The following GRID2 variants were observed in gnomAD, a reference collection of about 807,000 sequenced individuals.
The protein encoded by GRID2 is glutamate receptor ionotropic, delta-2.
Under a neutral mutation model 114.8 loss-of-function variants are expected in GRID2, and 33 were observed. The observed-to-expected ratio is 0.29, with a 90% CI of 0.22 to 0.38. GRID2 has a LOEUF of 0.38. GRID2 is among the 10% of genes least tolerant of loss of function. GRID2 has a pLI of 1.00. For synonymous variants in GRID2, 505 were observed against 449.9 expected, an observed-to-expected ratio of 1.12 and a Z score of -1.55; for missense variants, 1,184 against 1,257.7, an observed-to-expected ratio of 0.94 and a Z score of 0.89.
chr4:92,669,386 C>T (rs556187070), intron 2 of GRID2, among the ~76,000 whole-genome samples: 13 of 151,938 alleles, frequency 8.6e-5, no homozygotes, highest in Non-Finnish European at 1.3e-4. Flanking sequence ...ATTCTGTCAG[C>T]GTGGTAGGGT....
intron 14 of GRID2, among the ~76,000 whole-genome samples, chr4:93,666,535 GT>G: frequency 6.6e-6 from 1 of 152,032 alleles, no homozygotes; most frequent in Non-Finnish European, 1.5e-5. Flanking sequence ...GTGCCTTCCT[GT>G]GGAAGCCATT....
chr4:92,477,262 C>G (rs1399664696), intron 1 of GRID2, among the ~76,000 whole-genome samples: 2 of 151,912 alleles, frequency 1.3e-5, no homozygotes, highest in African/African-American at 4.8e-5. Flanking sequence ...TTTCCATATG[C>G]AAAGATATTT....
chr4:93,045,188 A>C (rs1426976302), intron 2 of GRID2, among the ~76,000 whole-genome samples: 1 of 152,134 alleles, frequency 6.6e-6, no homozygotes, highest in Non-Finnish European at 1.5e-5. Flanking sequence ...TAGATATCTC[A>C]TAATTCAAAG....
intron 2 of GRID2, among the ~76,000 whole-genome samples, chr4:92,996,214 T>A (rs1030297929): frequency 2.6e-5 from 4 of 151,622 alleles, no homozygotes; most frequent in African/African-American, 9.7e-5. Context: ...GGCTTGAACC[T>A]GGGAAGCAGA....
rs185909214 is a variant in GRID2 at position 93,414,188 on chromosome 4, C to A, written c.1348-8583C>A. ...AGAATCCAATTATGTCTTATTAAAT[C>A]CATTTTACTGCCAAGTCACTTCTGA... On this transcript the variant is annotated intron_variant, in intron 9 of 15. Transcript: ENST00000282020. Among the ~76,000 whole-genome samples the A allele has an allele frequency of 1.1e-4, 16 of 152,272 alleles. No individual in the cohort carries two copies. In the East Asian group the frequency reaches 1.4e-3, roughly 13 times the overall value.
At chr4:92,369,716 G>A (rs1370924517) in intron 1 of GRID2, among the ~76,000 whole-genome samples, 2 of 152,290 alleles carry the variant, frequency 1.3e-5, no homozygotes, top group Admixed American at 1.3e-4. Context: ...TTGGAAAGTT[G>A]TAGATTCTTA....
chr4:93,223,466 AAT>A (rs1196211636), intron 6 of GRID2, among the ~76,000 whole-genome samples: 1 of 152,180 alleles, frequency 6.6e-6, no homozygotes, highest in African/African-American at 2.4e-5. Flanking sequence ...ATCAGACTCT[AAT>A]TATCTCAATA....
chr4:92,615,254 G>T (rs2149232953), intron 2 of GRID2, among the ~76,000 whole-genome samples: 1 of 151,586 alleles, frequency 6.6e-6, no homozygotes, highest in South Asian at 2.1e-4. Context: ...AAAACCCAAA[G>T]GATCAAGCTC....
intron 1 of GRID2, among the ~76,000 whole-genome samples, chr4:92,498,933 A>G (rs1377894922): frequency 1.1e-5 from 1 of 89,674 alleles, no homozygotes; most frequent in African/African-American, 4.2e-5. Flanking sequence ...TTAGGTAAAA[A>G]AAAAAAAAAA....
chr4:93,230,028 A>G (rs903918973), intron 7 of GRID2, among the ~76,000 whole-genome samples: 1 of 152,124 alleles, frequency 6.6e-6, no homozygotes, highest in Non-Finnish European at 1.5e-5. Flanking sequence ...CTTTCCATCT[A>G]TAACATGGCA....
chr4:92,569,417 G>A (rs898192088), intron 1 of GRID2, among the ~76,000 whole-genome samples: 1 of 152,028 alleles, frequency 6.6e-6, no homozygotes, highest in African/African-American at 2.4e-5. Context: ...ATTGTGAATA[G>A]TGCTGTAATA....
At chr4:93,236,684 C>A (rs1746837992) in intron 7 of GRID2, among the ~76,000 whole-genome samples, 1 of 151,996 alleles carries the variant, frequency 6.6e-6, no homozygotes, top group African/African-American at 2.4e-5. Context: ...GCCCTATACA[C>A]ACACCAGTGA....
At chr4:93,282,993 A>G (rs1752802694) in intron 8 of GRID2, among the ~76,000 whole-genome samples, 1 of 152,044 alleles carries the variant, frequency 6.6e-6, no homozygotes, top group African/African-American at 2.4e-5. Context: ...CAAGCCATTC[A>G]GGAAGGATCT....
At chr4:92,952,160 T>A (rs2149135915) in intron 2 of GRID2, among the ~76,000 whole-genome samples, 1 of 152,344 alleles carries the variant, frequency 6.6e-6, no homozygotes, top group Middle Eastern at 3.4e-3. Flanking sequence ...CTTAGCCCGG[T>A]GATATTTGAG....
At chr4:92,781,305 T>C (rs1739062698) in intron 2 of GRID2, among the ~76,000 whole-genome samples, 1 of 152,040 alleles carries the variant, frequency 6.6e-6, no homozygotes, top group Non-Finnish European at 1.5e-5. Flanking sequence ...TTGCCATGGC[T>C]ATTAAGCAAA....
intron 4 of GRID2, among the ~76,000 whole-genome samples, chr4:93,115,170 A>G (rs1265919910): frequency 6.6e-6 from 1 of 151,862 alleles, no homozygotes; most frequent in Non-Finnish European, 1.5e-5. Context: ...TGAGGCTTTT[A>G]AAATTACAAA....
intron 8 of GRID2, among the ~76,000 whole-genome samples, chr4:93,371,948 A>G (rs574622245): frequency 3.3e-5 from 5 of 151,732 alleles, no homozygotes; most frequent in African/African-American, 4.8e-5. Context: ...GGGTTTTACC[A>G]TGTTGGCCAG....
At chr4:93,263,862 A>T (rs1354966199) in intron 8 of GRID2, among the ~76,000 whole-genome samples, 1 of 152,178 alleles carries the variant, frequency 6.6e-6, no homozygotes, top group East Asian at 1.9e-4. Flanking sequence ...ACTCTACATC[A>T]TTATAGAGAA....
chr4:93,804,394 T>C (rs1734992473), intron 1 of GRID2, among the ~76,000 whole-genome samples: 1 of 152,160 alleles, frequency 6.6e-6, no homozygotes, highest in Admixed American at 6.5e-5. Flanking sequence ...TTATATAATA[T>C]AACCTATTGC....
Sources: allele counts gnomAD v4.1 joint callset (sites outside exome capture counted in the v4.1 genomes callset), GRCh38; gene constraint gnomAD v4.1.1; transcripts MANE v1.5; gene names NCBI Gene and HGNC (gene_info 2026-07-23, HGNC 2026-07-21).